Variants in SLC36A1 observed in about 807,000 individuals in gnomAD.
SLC36A1 encodes proton-coupled amino acid transporter 1.
Under a neutral mutation model 47.5 loss-of-function variants are expected in SLC36A1, and 30 were observed. The observed-to-expected ratio is 0.63, with a 90% CI of 0.47 to 0.86. The LOEUF is 0.86. Ranked by LOEUF, SLC36A1 falls within the 40% of genes least tolerant of loss-of-function variation. The probability of loss-of-function intolerance (pLI) is 0.00; values close to 1 mark genes in which losing one functional copy is unlikely to be tolerated. For missense variants in SLC36A1, 517 were observed against 606.0 expected (o/e 0.85, Z 1.54); for synonymous variants, 255 against 249.7 (o/e 1.02, Z -0.20).
At chr5:151,382,309 G>T in the SLC36A1 span, 5 of 1,055,482 alleles carry the variant, frequency 4.7e-6, no homozygotes, top group Non-Finnish European at 4.4e-6. Flanking sequence ...CTGCACAGTC[G>T]CCTCAGCAGC....
At chr5:151,553,468 G>T in the SLC36A1 span, 1 of 1,235,382 alleles carries the variant, frequency 8.1e-7, no homozygotes, top group African/African-American at 1.5e-5. Context: ...GAACCAGAGC[G>T]TCCTGTGATT....
intron 1 of SLC36A1, among the ~76,000 whole-genome samples, chr5:151,450,720 T>A (rs1263553447): frequency 6.6e-6 from 1 of 152,242 alleles, no homozygotes; most frequent in African/African-American, 2.4e-5. Context: ...CCACCTCCCC[T>A]CCAGTGAGTA....
At chr5:151,505,176 T>G in the SLC36A1 span, 1 of 294,246 alleles carries the variant, frequency 3.4e-6, no homozygotes, top group African/African-American at 2.3e-5. Flanking sequence ...AATGGAGCTG[T>G]GGGCAGGTAT....
the SLC36A1 span, among the ~76,000 whole-genome samples, chr5:151,370,354 G>A: frequency 2.0e-5 from 3 of 151,446 alleles, no homozygotes; most frequent in Non-Finnish European, 4.4e-5. Flanking sequence ...TGTTGTTGTT[G>A]TATATGCTTA....
chr5:151,356,278 C>T, the SLC36A1 span, among the ~76,000 whole-genome samples: 1 of 138,052 alleles, frequency 7.2e-6, no homozygotes, highest in Non-Finnish European at 1.5e-5. Flanking sequence ...GGTAGGGTTG[C>T]AGTGAGCTGA....
rs184774806 is a variant in SLC36A1 at position 151,450,054 on chromosome 5, G to A, written c.-6+2241G>A. Among the ~76,000 whole-genome samples the A allele has an allele frequency of 1.4e-4, 21 of 152,050 alleles. No homozygotes were observed. The East Asian group carries it at 2.9e-3, about 21-fold the overall frequency. ...AGCAGATGTCTGCTTACTAGCATGTGGGATGAATGGAGCCGATGTCCACTT... is the reference window on the plus strand; with the variant it reads ...AGCAGATGTCTGCTTACTAGCATGTAGGATGAATGGAGCCGATGTCCACTT... On this transcript the variant is annotated intron_variant, in intron 1 of 10. Transcript: ENST00000243389.
At chr5:151,507,626 T>A in the SLC36A1 span, 6 of 1,001,438 alleles carry the variant, frequency 6.0e-6, no homozygotes, top group Non-Finnish European at 8.3e-6. Flanking sequence ...GGAGACAGAG[T>A]AGTCAGGGGG....
At chr5:151,377,351 T>C in the SLC36A1 span, among the ~76,000 whole-genome samples, 19 of 146,422 alleles carry the variant, frequency 1.3e-4, no homozygotes, top group Admixed American at 2.7e-4. Context: ...CTCTTTCTTT[T>C]TTTTTTTTTT....
chr5:151,542,981 C>T, the SLC36A1 span: 2 of 1,614,224 alleles, frequency 1.2e-6, no homozygotes, highest in Non-Finnish European at 8.5e-7. Context: ...TGAGCTGCCA[C>T]TGCTTTAACA....
chr5:151,350,154 G>A, the SLC36A1 span, among the ~76,000 whole-genome samples: 3 of 148,732 alleles, frequency 2.0e-5, no homozygotes, highest in Admixed American at 1.3e-4. Context: ...CCGGCCCCGG[G>A]TACCTCCTCA....
At chr5:151,386,745 A>T in the SLC36A1 span, among the ~76,000 whole-genome samples, 1 of 152,220 alleles carries the variant, frequency 6.6e-6, no homozygotes, top group African/African-American at 2.4e-5. Flanking sequence ...CCAGAGGCAC[A>T]GTCCCACTGA....
chr5:151,522,845 G>T, the SLC36A1 span, among the ~76,000 whole-genome samples: 1 of 152,174 alleles, frequency 6.6e-6, no homozygotes, highest in African/African-American at 2.4e-5. Context: ...AGGGAAGCAG[G>T]CCTGACCTCA....
chr5:151,358,148 A>G, the SLC36A1 span, among the ~76,000 whole-genome samples: 1 of 152,214 alleles, frequency 6.6e-6, no homozygotes, highest in Non-Finnish European at 1.5e-5. Flanking sequence ...ATTTGTTACA[A>G]AAAAGTATAC....
At chr5:151,406,199 T>G in the SLC36A1 span, among the ~76,000 whole-genome samples, 4 of 152,154 alleles carry the variant, frequency 2.6e-5, no homozygotes, top group Non-Finnish European at 4.4e-5. Context: ...GAGCTGAAGG[T>G]TAGGTCACCA....
chr5:151,452,180 C>G (rs921404678), intron 1 of SLC36A1, among the ~76,000 whole-genome samples: 1 of 152,200 alleles, frequency 6.6e-6, no homozygotes, highest in East Asian at 1.9e-4. Context: ...CAGACTCCTA[C>G]AGGAAAAAGT....
At chr5:151,525,436 C>T in the SLC36A1 span, among the ~76,000 whole-genome samples, 1 of 152,166 alleles carries the variant, frequency 6.6e-6, no homozygotes, top group Non-Finnish European at 1.5e-5. Flanking sequence ...GGTGTTTTGC[C>T]CAGGCACAGA....
At chr5:151,461,820 AC>A (rs1330251781) in intron 2 of SLC36A1, among the ~76,000 whole-genome samples, 4 of 152,120 alleles carry the variant, frequency 2.6e-5, no homozygotes, top group Non-Finnish European at 5.9e-5. Context: ...AAAATTTGAG[AC>A]CCTTCAGTAT....
chr5:151,421,240 T>A, the SLC36A1 span, among the ~76,000 whole-genome samples: 1 of 144,120 alleles, frequency 6.9e-6, no homozygotes, highest in Non-Finnish European at 1.5e-5. Context: ...CTTCTTTTTC[T>A]TTCTCTTTCT....
chr5:151,483,425 C>T (rs927096468), intron 10 of SLC36A1, among the ~76,000 whole-genome samples: 1 of 151,750 alleles, frequency 6.6e-6, no homozygotes, highest in Non-Finnish European at 1.5e-5. Flanking sequence ...CCCTTTTGTA[C>T]ACGCCACAGC....
Sources: gnomAD v4.1 joint callset for allele counts (sites outside exome capture counted in the v4.1 genomes callset) on GRCh38, gnomAD v4.1.1 for gene constraint, MANE v1.5 for transcripts, NCBI Gene and HGNC (gene_info 2026-07-23, HGNC 2026-07-21) for gene names.